Variants in RGS17 observed in about 807,000 individuals in gnomAD.
RGS17 encodes the protein regulator of G-protein signaling 17.
Under a neutral mutation model 25.5 loss-of-function variants are expected in RGS17, and 12 were observed. That is an observed-to-expected ratio of 0.47 (90% CI 0.30 to 0.76). The LOEUF is 0.76. Ranked by LOEUF, RGS17 falls within the 30% of genes least tolerant of loss-of-function variation. RGS17 has a pLI of 0.07. For missense variants in RGS17, 196 were observed against 242.2 expected (o/e 0.81, Z 1.27); for synonymous variants, 71 against 76.9 (o/e 0.92, Z 0.40).
chr6:153,086,517 T>A (rs1777054909), intron 1 of RGS17, among the ~76,000 whole-genome samples: 1 of 152,196 alleles, frequency 6.6e-6, no homozygotes, highest in Admixed American at 6.5e-5. Flanking sequence ...AAACGCTAAG[T>A]CCTACAATGT....
chr6:153,056,358 C>T (rs1284614402), intron 1 of RGS17, among the ~76,000 whole-genome samples: 2 of 152,138 alleles, frequency 1.3e-5, no homozygotes, highest in Non-Finnish European at 2.9e-5. Context: ...AGATCAGTGA[C>T]GCCATGCACA....
chr6:153,046,851 G>A (rs1477689925), intron 1 of RGS17, among the ~76,000 whole-genome samples: 1 of 151,858 alleles, frequency 6.6e-6, no homozygotes, highest in African/African-American at 2.4e-5. Flanking sequence ...CCCTAGAACT[G>A]GAAGAAAACA....
chr6:153,085,275 A>C (rs1777037401), intron 1 of RGS17, among the ~76,000 whole-genome samples: 1 of 152,190 alleles, frequency 6.6e-6, no homozygotes, highest in African/African-American at 2.4e-5. Context: ...TCATTGCATA[A>C]ATTTGAATTA....
chr6:153,065,842 A>G (rs540274287), intron 1 of RGS17, among the ~76,000 whole-genome samples: 1 of 152,282 alleles, frequency 6.6e-6, no homozygotes, highest in African/African-American at 2.4e-5. Context: ...AAAAACTTCA[A>G]ATGAATAACC....
chr6:153,033,997 T>C (rs1415973394), intron 2 of RGS17, among the ~76,000 whole-genome samples: 7 of 152,200 alleles, frequency 4.6e-5, no homozygotes. Flanking sequence ...TCAAGTGCAT[T>C]AATTCAATTG....
chr6:153,127,026 GA>G (rs1188770377), intron 1 of RGS17, among the ~76,000 whole-genome samples: 2 of 152,308 alleles, frequency 1.3e-5, no homozygotes, highest in Non-Finnish European at 2.9e-5. Flanking sequence ...GGGGGTGGGG[GA>G]ATAGTTCTGG....
intron 2 of RGS17, among the ~76,000 whole-genome samples, chr6:153,039,444 A>G (rs969640065): frequency 6.6e-6 from 1 of 152,110 alleles, no homozygotes; most frequent in African/African-American, 2.4e-5. Context: ...TCTCCTCTCC[A>G]TAGCCGTCAT....
chr6:153,070,989 G>A (rs1194504418), intron 1 of RGS17, among the ~76,000 whole-genome samples: 1 of 149,816 alleles, frequency 6.7e-6, no homozygotes, highest in Non-Finnish European at 1.5e-5. Flanking sequence ...ACACATGTGT[G>A]TATATATGTA....
Position 153,054,115 on chromosome 6 carries a change from T to C in RGS17, c.-25-10072A>G, listed in dbSNP as rs1281803534. 6.3e-5 allele frequency among the ~76,000 whole-genome samples: 4 copies of C among 63,346 alleles called. 1 individual carries two copies. The highest frequency in any genetic ancestry group is 8.5e-5 in the Non-Finnish European group (3 of 35,276). 41.6% of individuals were successfully genotyped at this position (63,346 alleles called of 152,430 possible). ...TTTTATATATATATATATATATATGTGTATATATATATATATACAGCTTTA... is the reference window on the plus strand; with the variant it reads ...TTTTATATATATATATATATATATGCGTATATATATATATATACAGCTTTA... On this transcript the variant is annotated intron_variant, in intron 1 of 4. Transcript: ENST00000206262.
intron 1 of RGS17, among the ~76,000 whole-genome samples, chr6:153,064,359 G>A (rs865799468): frequency 2.4e-4 from 37 of 152,304 alleles, no homozygotes; most frequent in African/African-American, 6.0e-4. Flanking sequence ...GGCAAGGCAC[G>A]GTGGCTCATG....
chr6:153,064,592 T>A, intron 1 of RGS17, among the ~76,000 whole-genome samples: 1 of 151,252 alleles, frequency 6.6e-6, no homozygotes. Context: ...ATCCTGCCAC[T>A]ACAGTCCAGC....
At chr6:153,101,866 T>C (rs1777308966) in intron 1 of RGS17, among the ~76,000 whole-genome samples, 1 of 152,158 alleles carries the variant, frequency 6.6e-6, no homozygotes, top group Non-Finnish European at 1.5e-5. Flanking sequence ...TGATTATAAG[T>C]TTTCCTGAGA....
chr6:153,076,284 A>C (rs1351572164), intron 1 of RGS17, among the ~76,000 whole-genome samples: 1 of 152,024 alleles, frequency 6.6e-6, no homozygotes, highest in Non-Finnish European at 1.5e-5. Flanking sequence ...TAACAAAAAT[A>C]TATAAAAATT....
intron 1 of RGS17, among the ~76,000 whole-genome samples, chr6:153,048,882 G>C (rs1040839273): frequency 6.6e-6 from 1 of 152,094 alleles, no homozygotes; most frequent in Admixed American, 6.6e-5. Context: ...GTCTAACCAA[G>C]GAGCCAATAA....
chr6:153,052,413 ATATC>A (rs1159191508), intron 1 of RGS17, among the ~76,000 whole-genome samples: 1 of 152,038 alleles, frequency 6.6e-6, no homozygotes, highest in Non-Finnish European at 1.5e-5. Flanking sequence ...TGAAATGGGG[ATATC>A]TATTCTACAT....
At chr6:153,112,910 T>A (rs1777494028) in intron 1 of RGS17, among the ~76,000 whole-genome samples, 1 of 150,838 alleles carries the variant, frequency 6.6e-6, no homozygotes, top group Admixed American at 6.6e-5. Flanking sequence ...CTTACAAGAG[T>A]CCCTGAAGGA....
intron 1 of RGS17, among the ~76,000 whole-genome samples, chr6:153,117,130 G>T: frequency 6.6e-6 from 1 of 151,918 alleles, no homozygotes; most frequent in Non-Finnish European, 1.5e-5. Context: ...TAAAGGAAAG[G>T]GATTTAATTG....
At chr6:153,032,302 C>T (rs1776160205) in intron 2 of RGS17, among the ~76,000 whole-genome samples, 1 of 152,084 alleles carries the variant, frequency 6.6e-6, no homozygotes, top group African/African-American at 2.4e-5. Flanking sequence ...AAATTTGTGT[C>T]TGGAAATGTT....
chr6:153,053,993 TA>T (rs1776506565), intron 1 of RGS17, among the ~76,000 whole-genome samples: 2 of 63,228 alleles, frequency 3.2e-5, no homozygotes, highest in East Asian at 5.6e-4. Flanking sequence ...ATGTATATAA[TA>T]TATATACATA....
Sources: gnomAD v4.1 joint callset for allele counts (sites outside exome capture counted in the v4.1 genomes callset) on GRCh38, gnomAD v4.1.1 for gene constraint, MANE v1.5 for transcripts, NCBI Gene and HGNC (gene_info 2026-07-23, HGNC 2026-07-21) for gene names.